GDPD5: variants seen among roughly 807,000 people sequenced by gnomAD.
GDPD5 encodes glycerophosphodiester phosphodiesterase domain containing 5, also known as glycerophosphodiester phosphodiesterase 2.
In GDPD5, 48 loss-of-function variants were observed where a neutral mutation model predicts 75.1. The observed-to-expected ratio is 0.64, with a 90% CI of 0.51 to 0.81. The LOEUF (loss-of-function observed/expected upper bound fraction) is 0.81. Ranked by LOEUF, GDPD5 falls within the 40% of genes least tolerant of loss-of-function variation. The pLI is 0.00. For missense variants in GDPD5, 706 were observed against 822.6 expected (o/e 0.86, Z 1.73); for synonymous variants, 336 against 339.0 (o/e 0.99, Z 0.10).
At chr11:75,472,715 C>A (rs1949696590) in intron 3 of GDPD5, among the ~76,000 whole-genome samples, 1 of 152,198 alleles carries the variant, frequency 6.6e-6, no homozygotes, top group Admixed American at 6.5e-5. Context: ...AACACATATG[C>A]TCAATCCTCC....
intron 9 of GDPD5, 150 bp from the exon 10 acceptor site, chr11:75,444,645 A>T: frequency 1.6e-6 from 1 of 623,596 alleles, no homozygotes; most frequent in Non-Finnish European, 2.9e-6. Context: ...CTGGGCACCC[A>T]CTCAGCTTCT....
rs775044644 is a variant in GDPD5, at chr11:75,474,616, G to C, written c.117+3003C>G. The stretch of plus-strand genomic sequence containing the variant: ...TGTTAAGCGTGTATCCTGGGGGACT[G>C]GGGGGCAAAGGCTTGGAAGAGGTGG... On this transcript the variant is annotated intron_variant, in intron 3 of 16. Coordinates refer to ENST00000336898, the MANE Select transcript of GDPD5 (RefSeq NM_030792.8). Among the ~76,000 whole-genome samples, 37 of 152,060 alleles carry C rather than the reference G, an allele frequency of 2.4e-4. 1 individual carries two copies. The highest frequency in any genetic ancestry group is 4.4e-5 in the Non-Finnish European group (3 of 68,004).
chr11:75,478,879 C>T (rs1949840094), intron 2 of GDPD5, among the ~76,000 whole-genome samples: 1 of 152,186 alleles, frequency 6.6e-6, no homozygotes, highest in Non-Finnish European at 1.5e-5. Flanking sequence ...GCTCAGAGAA[C>T]AAGGAGCAAT....
intron 15 of GDPD5, 64 bp from the exon 16 acceptor site, chr11:75,437,112 C>T (rs1476468495): frequency 1.6e-6 from 2 of 1,226,132 alleles, no homozygotes; most frequent in Non-Finnish European, 2.4e-6. Flanking sequence ...AGAGACCCTG[C>T]CTACTTCCAG....
At chr11:75,436,167 T>A (rs1190096857) in intron 16 of GDPD5, among the ~76,000 whole-genome samples, 2 of 152,166 alleles carry the variant, frequency 1.3e-5, no homozygotes, top group African/African-American at 4.8e-5. Flanking sequence ...CAGGGTGGGT[T>A]CTGGGCATCT....
intron 2 of GDPD5, 31 bp from the exon 3 acceptor site, chr11:75,477,826 G>T: frequency 1.2e-6 from 1 of 848,252 alleles, no homozygotes; most frequent in Non-Finnish European, 1.8e-6. Context: ...CAGTGAGGCA[G>T]GGGAAGGGTG....
At chr11:75,506,415 TAGG>T (rs1950400711) in intron 1 of GDPD5, among the ~76,000 whole-genome samples, 1 of 152,122 alleles carries the variant, frequency 6.6e-6, no homozygotes, top group Non-Finnish European at 1.5e-5. Flanking sequence ...CCCCTCCACC[TAGG>T]AGGACCCAGG....
At chr11:75,436,426 G>A (rs967695884) in intron 16 of GDPD5, among the ~76,000 whole-genome samples, 4 of 152,028 alleles carry the variant, frequency 2.6e-5, no homozygotes, top group African/African-American at 7.2e-5. Flanking sequence ...TGTATCAGGC[G>A]CCCAAAGCCT....
At chr11:75,467,466 G>A (rs1949541810) in intron 3 of GDPD5, among the ~76,000 whole-genome samples, 1 of 152,206 alleles carries the variant, frequency 6.6e-6, no homozygotes, top group African/African-American at 2.4e-5. Context: ...GTATGGATGT[G>A]AGACAGGGCA....
intron 9 of GDPD5, among the ~76,000 whole-genome samples, chr11:75,446,154 T>A (rs1024819288): frequency 1.3e-5 from 2 of 152,190 alleles, no homozygotes; most frequent in Non-Finnish European, 2.9e-5. Flanking sequence ...CCCTGCTGCA[T>A]GGGCTGGGGC....
At chr11:75,500,461 T>TC (rs1024531516) in intron 1 of GDPD5, among the ~76,000 whole-genome samples, 52 of 152,166 alleles carry the variant, frequency 3.4e-4, no homozygotes, top group African/African-American at 1.2e-3. Context: ...TGGTTGTTTG[T>TC]CCCCCTTTCT....
chr11:75,457,870 C>T, intron 4 of GDPD5, 84 bp from the exon 5 acceptor site: 2 of 1,023,108 alleles, frequency 2.0e-6, no homozygotes, highest in South Asian at 2.8e-5. Flanking sequence ...AGCCTCCACA[C>T]AGACGACAGG....
At chr11:75,443,970 T>C (rs1948908830) in intron 10 of GDPD5, among the ~76,000 whole-genome samples, 1 of 152,244 alleles carries the variant, frequency 6.6e-6, no homozygotes, top group Non-Finnish European at 1.5e-5. Flanking sequence ...TCTGCCCTTC[T>C]TCCCTTCTCA....
chr11:75,496,225 G>A (rs1950206145), intron 1 of GDPD5, among the ~76,000 whole-genome samples: 1 of 152,238 alleles, frequency 6.6e-6, no homozygotes, highest in Non-Finnish European at 1.5e-5. Flanking sequence ...CCGCCATCCA[G>A]CTGGGCAGTG....
At chr11:75,465,832 TC>T (rs1420597098) in intron 3 of GDPD5, among the ~76,000 whole-genome samples, 3 of 152,150 alleles carry the variant, frequency 2.0e-5, no homozygotes, top group African/African-American at 7.2e-5. Flanking sequence ...ATGGGTCTGG[TC>T]CCAGGCAAGT....
At chr11:75,476,873 C>T (rs1034835617) in intron 3 of GDPD5, among the ~76,000 whole-genome samples, 1 of 152,240 alleles carries the variant, frequency 6.6e-6, no homozygotes, top group African/African-American at 2.4e-5. Flanking sequence ...AGCCACCGCT[C>T]CCCATCCCCC....
rs1592074166 is a variant in GDPD5, at chr11:75,449,870, A to T, written c.474+15T>A. On this transcript the variant is annotated intron_variant, in intron 7 of 16. Coordinates refer to ENST00000336898, the MANE Select transcript of GDPD5 (RefSeq NM_030792.8). ...GCTCTTGTTGTGAGGGTCCTGGGGG[A>T]CCCTCCTCACTCACCTGCAGGGAGA... 1 of 1,608,396 alleles carries T rather than the reference A, an allele frequency of 6.2e-7. No individual in the cohort carries two copies. Among genetic ancestry groups the T allele is most frequent in the South Asian group, 1.1e-5 (1 of 90,908 alleles).
intron 1 of GDPD5, among the ~76,000 whole-genome samples, chr11:75,493,933 A>G (rs1488375219): frequency 2.0e-5 from 3 of 151,862 alleles, no homozygotes; most frequent in Non-Finnish European, 4.4e-5. Flanking sequence ...TGCAACTCAC[A>G]TTACTCACAT....
chr11:75,472,800 C>T (rs141250911), intron 3 of GDPD5, among the ~76,000 whole-genome samples: 27 of 152,182 alleles, frequency 1.8e-4, no homozygotes, highest in African/African-American at 5.8e-4. Context: ...CAGGCCCAGA[C>T]GCTATCCTAA....
Sources: allele counts gnomAD v4.1 joint callset (sites outside exome capture counted in the v4.1 genomes callset), GRCh38; gene constraint gnomAD v4.1.1; transcripts MANE v1.5; gene names NCBI Gene and HGNC (gene_info 2026-07-23, HGNC 2026-07-21).